Variants in KRT15 observed in about 807,000 individuals in gnomAD.
KRT15 encodes keratin 15.
In KRT15, 45 loss-of-function variants were observed where a neutral mutation model predicts 46.6. The ratio of observed to expected loss-of-function variants is 0.97; its 90% CI spans 0.76 to 1.24. The LOEUF (loss-of-function observed/expected upper bound fraction) is 1.24, where lower values mean the gene tolerates loss of function less well. KRT15 is among the 50% of genes most tolerant of loss of function. The pLI is 0.00. For missense variants in KRT15, 592 were observed against 588.9 expected (o/e 1.01, Z -0.05); for synonymous variants, 221 against 233.8 (o/e 0.95, Z 0.50).
At chr17:41,517,427 G>A (rs984369957) in intron 1 of KRT15, 9 of 495,356 alleles carry the variant, frequency 1.8e-5, no homozygotes, top group African/African-American at 9.7e-5. Context: ...GAAAGACCAA[G>A]GAGGCAGTAT....
At chr17:41,514,727 G>T in intron 6 of KRT15, 53 bp from the exon 7 acceptor site, 1 of 1,594,914 alleles carries the variant, frequency 6.3e-7, no homozygotes. Flanking sequence ...TCAAGTGTCC[G>T]TAAGGGAAGC....
At chr17:41,516,752 TGGGAAGAGGTTCCCCACCTCTCTC>T in intron 3 of KRT15, 32 bp downstream of exon 3, 1 of 1,596,406 alleles carries the variant, frequency 6.3e-7, no homozygotes, top group Non-Finnish European at 8.6e-7. Context: ...AAGTGAGTTT[TGGGAAGAGGTTCCCCACCTCTCTC>T]GGGTTCAGGG....
chr17:41,514,710 C>CACA, intron 6 of KRT15, 36 bp from the exon 7 acceptor site: 1 of 1,611,844 alleles, frequency 6.2e-7, no homozygotes, highest in Non-Finnish European at 8.5e-7. Flanking sequence ...AAGCAAAGGG[C>CACA]ACAAGCTCAA....
chr17:41,514,315 C>T, intron 7 of KRT15, 195 bp from the exon 8 acceptor site: 3 of 607,050 alleles, frequency 4.9e-6, no homozygotes, highest in East Asian at 2.8e-5. Context: ...GCAGGTATGC[C>T]CGGCAGGGAG....
chr17:41,518,285 G>C (rs201913500), intron 1 of KRT15, 45 bp downstream of exon 1: 3 of 1,578,590 alleles, frequency 1.9e-6, no homozygotes, highest in East Asian at 4.5e-5. Flanking sequence ...CTGTGTACAG[G>C]GTACCAGCCA....
In KRT15 at chr17:41,518,228, G is replaced by A. The variant is rs1324832178; in HGVS notation, c.498+102C>T. On this transcript the variant is annotated intron_variant, in intron 1 of 7. Coordinates refer to ENST00000254043, the MANE Select transcript of KRT15 (RefSeq NM_002275.4). ...ATTACATACCAGACAGTCATTGCCTGGGCAGGAAAGGATTTCCTTGAGTCA... is the reference window on the plus strand; with the variant it reads ...ATTACATACCAGACAGTCATTGCCTAGGCAGGAAAGGATTTCCTTGAGTCA... 11 of 1,350,072 alleles carry A rather than the reference G, an allele frequency of 8.1e-6. No homozygotes were observed. In the African/African-American group the frequency reaches 1.2e-4, roughly 14 times the overall value. The allele number at this position is 1,350,072 out of a possible 1,614,324, so 83.6% of individuals were successfully genotyped here.
Position 41,515,457 on chromosome 17 carries a change from T to G in KRT15, c.1247+15A>C. 6.2e-7 allele frequency: 1 copy of G among 1,610,110 alleles called. No individual in the cohort carries two copies. The highest frequency in any genetic ancestry group is 8.5e-7 in the Non-Finnish European group (1 of 1,177,990). On this transcript the variant is annotated intron_variant, in intron 6 of 7. Transcript: ENST00000254043. ...GCAGCCCTCATCACTCCTTCCCCTG[T>G]GCCCAGGCGCCTACTTGGCATCCTG... is the stretch of plus-strand genomic sequence containing the variant.
At position 41,516,125 on chromosome 17, in the gene KRT15, G is replaced by C. The variant is rs764050371; in HGVS notation, c.879C>G (p.Val293=). 27 of 1,614,156 alleles carry C rather than the reference G, an allele frequency of 1.7e-5. No individual in the cohort carries two copies. The South Asian group carries it at 2.9e-4, about 17-fold the overall frequency. ...CCACCTTGCTGAAGAACCAGGCCTCGACATCCCGGCGGTTCTTCTCCGCCA... is the reference window on the plus strand; with the variant it reads ...CCACCTTGCTGAAGAACCAGGCCTCCACATCCCGGCGGTTCTTCTCCGCCA... ...EAMAEKNRRD[V]EAWFFSKTEE... The change falls in exon 4 of 8, where the codon GTC becomes GTG. Residue 293 remains valine, a synonymous_variant. Transcript: ENST00000254043.
chr17:41,514,682 A>G lies in KRT15; in HGVS notation c.1248-8T>C, dbSNP rs1403815539. ...ATGGCAATGCCAGCCATCCTGAAAGAAAGAGGGAAGCTGATTTAAGCAAAG... is the reference window on the plus strand; with the variant it reads ...ATGGCAATGCCAGCCATCCTGAAAGGAAGAGGGAAGCTGATTTAAGCAAAG... On this transcript the variant is annotated splice_polypyrimidine_tract_variant and splice_region_variant and intron_variant, in intron 6 of 7. Transcript: ENST00000254043. 2 of 1,613,396 alleles carry G rather than the reference A, an allele frequency of 1.2e-6. No individual in the cohort carries two copies. The highest frequency in any genetic ancestry group is 2.7e-5 in the African/African-American group (2 of 74,982).
chr17:41,516,554 C>T (rs1315677639), intron 3 of KRT15, among the ~76,000 whole-genome samples: 1 of 152,150 alleles, frequency 6.6e-6, no homozygotes. Flanking sequence ...TGGGCCTGGG[C>T]TACCAGACAC....
At position 41,513,988 on chromosome 17, in the gene KRT15, G is replaced by C. The variant is rs772670883; in HGVS notation, c.*35C>G. 3 of 1,477,782 alleles carry C rather than the reference G, an allele frequency of 2.0e-6. No individual in the cohort carries two copies. Among genetic ancestry groups the C allele is most frequent in the Non-Finnish European group, 1.9e-6 (2 of 1,056,006 alleles). The allele number at this position is 1,477,782 out of a possible 1,614,324, so 91.5% of individuals were successfully genotyped here. On this transcript the variant is annotated 3_prime_UTR_variant, in exon 8 of 8. Transcript: ENST00000254043. Reference sequence around the variant, plus strand: ...CCTCCACTTGGCCTGATGAGAGTGGGGAGTGGCAAGGGACGTTTCTCCTGC... The same window carrying C: ...CCTCCACTTGGCCTGATGAGAGTGGCGAGTGGCAAGGGACGTTTCTCCTGC...
chr17:41,514,317 G>C (rs764548984), intron 7 of KRT15, 197 bp from the exon 8 acceptor site: 2 of 606,244 alleles, frequency 3.3e-6, no homozygotes, highest in Non-Finnish European at 5.9e-6. Flanking sequence ...AGGTATGCCC[G>C]GCAGGGAGCA....
rs1325495464 is a variant in KRT15, at chr17:41,518,846, CG to C, written c.-20del. 8.5e-6 allele frequency: 13 copies of C among 1,528,076 alleles called. No individual in the cohort carries two copies. Among genetic ancestry groups the C allele is most frequent in the Non-Finnish European group, 1.1e-5 (13 of 1,142,980 alleles). The allele number at this position is 1,528,076 out of a possible 1,614,324, so 94.7% of individuals were successfully genotyped here. On this transcript the variant is annotated 5_prime_UTR_variant, in exon 1 of 8. Transcript: ENST00000254043. ...TGGTCATGGCCAGGTAGCTGGAGCC[CG>C]TGAGTTCTCAGCAAACCCAAGAGAT... is the stretch of plus-strand genomic sequence containing the variant.
Position 41,518,482 on chromosome 17 carries a change from G to C in KRT15, c.346C>G (p.Leu116Val). The C allele has an allele frequency of 6.2e-7, 1 of 1,614,026 alleles. No individual in the cohort carries two copies. Among genetic ancestry groups the C allele is most frequent in the South Asian group, 1.1e-5 (1 of 91,066 alleles). Residue 116 changes from leucine (L) to valine (V), a missense_variant, in exon 1 of 8, where the codon CTG becomes GTG. By Grantham distance (32) the Leu-to-Val change is conservative. Coordinates refer to ENST00000254043, the MANE Select transcript of KRT15 (RefSeq NM_002275.4). The part of the protein sequence containing the change: ...KITMQNLNDR[L>V]ASYLDKVRAL... ...CGTACCTTGTCCAGGTAGGAGGCCA[G>C]GCGGTCATTGAGGTTCTGCATGGTA...
intron 6 of KRT15, chr17:41,515,052 A>T (rs1335357819): frequency 1.1e-5 from 3 of 281,984 alleles, no homozygotes; most frequent in Non-Finnish European, 2.0e-5. Context: ...TTTTTAGTAG[A>T]GACGGGGTTT....
Position 41,518,821 on chromosome 17 carries a change from T to A in KRT15, c.7A>T (p.Thr3Ser). Residue 3 changes from threonine (T) to serine (S), a missense_variant, in exon 1 of 8, where the codon ACC becomes TCC. Coordinates refer to ENST00000254043, the MANE Select transcript of KRT15 (RefSeq NM_002275.4). ...GAGGAAGAAGTTTGCAGAAATGTGG[T>A]GGTCATGGCCAGGTAGCTGGAGCCC... MTTTFLQTSSSTF... is the reference protein window; with the variant it reads MTSTFLQTSSSTF... 6.5e-7 allele frequency: 1 copy of A among 1,531,614 alleles called. No individual in the cohort carries two copies. Among genetic ancestry groups the A allele is most frequent in the Non-Finnish European group, 8.7e-7 (1 of 1,145,926 alleles). 94.9% of individuals were successfully genotyped at this position (1,531,614 alleles called of 1,614,324 possible). A position where few individuals can be genotyped will look rare whatever the true frequency, so the allele number is the denominator to read the frequency against.
In KRT15 at chr17:41,518,588, G is replaced by A. The variant is rs199987984; in HGVS notation, c.240C>T (p.Gly80=). The change falls in exon 1 of 8, where the codon GGC becomes GGT. Residue 80 remains glycine (G), a synonymous_variant. Transcript: ENST00000254043. ...GGGAGSVFGG[G]FGGGVGGGFG... ...AACCCCCACCAACGCCCCCTCCAAA[G>A]CCTCCACCGAAAACACTACCAGCCC... 2.1e-5 allele frequency: 34 copies of A among 1,602,096 alleles called. No homozygotes were observed. The highest frequency in any genetic ancestry group is 3.4e-5 in the Admixed American group (2 of 58,586).
At chr17:41,516,295 C>G in intron 3 of KRT15, 30 bp from the exon 4 acceptor site, 1 of 1,600,700 alleles carries the variant, frequency 6.2e-7, no homozygotes, top group Non-Finnish European at 8.5e-7. Context: ...CACTTAGAGA[C>G]GGAGAGCAGA....
Position 41,517,095 on chromosome 17 carries a change from T to G in KRT15, c.569A>C (p.Asp190Ala). 1 of 1,614,026 alleles carries G rather than the reference T, an allele frequency of 6.2e-7. No individual in the cohort carries two copies. Reference sequence around the variant, plus strand: ...CGGGGGAGCGCACTTGAGCCTGAAGTCGTCCGCAGCCAGCCTGGCATTGTC... The same window carrying G: ...CGGGGGAGCGCACTTGAGCCTGAAGGCGTCCGCAGCCAGCCTGGCATTGTC... ...EIDNARLAAD[D>A]FRLKYENELA... The change falls in exon 2 of 8, where the codon GAC (aspartate) becomes GCC (alanine). Residue 190 changes from aspartate (D) to alanine (A), a missense_variant. Physicochemically the swap from Asp to Ala is moderately radical, Grantham distance 126. Coordinates refer to ENST00000254043, the MANE Select transcript of KRT15 (RefSeq NM_002275.4).
Sources: allele counts gnomAD v4.1 joint callset (sites outside exome capture counted in the v4.1 genomes callset), GRCh38; gene constraint gnomAD v4.1.1; transcripts MANE v1.5; gene names NCBI Gene and HGNC (gene_info 2026-07-23, HGNC 2026-07-21).